The following RPE65 variants were observed in gnomAD, a reference collection of about 807,000 sequenced individuals.
RPE65 encodes retinoid isomerohydrolase.
In RPE65, 58 loss-of-function variants were observed where a neutral mutation model predicts 68.5. That is an observed-to-expected ratio of 0.85 (90% CI 0.69 to 1.05). The LOEUF (loss-of-function observed/expected upper bound fraction) is 1.05, where lower values mean the gene tolerates loss of function less well. RPE65 is among the 50% of genes least tolerant of loss of function. The pLI is 0.00. For synonymous variants in RPE65, 220 were observed against 222.2 expected, an observed-to-expected ratio of 0.99 and a Z score of 0.09; for missense variants, 643 against 629.9, an observed-to-expected ratio of 1.02 and a Z score of -0.22.
intron 5 of RPE65, among the ~76,000 whole-genome samples, chr1:68,442,233 T>A (rs1003811728): frequency 1.6e-4 from 25 of 152,322 alleles, no homozygotes; most frequent in African/African-American, 5.8e-4. Context: ...ATGAGGCAGT[T>A]TTCCTGAGAA....
chr1:68,440,395 G>A (rs1238675316), intron 6 of RPE65, among the ~76,000 whole-genome samples: 4 of 152,084 alleles, frequency 2.6e-5, no homozygotes, highest in Non-Finnish European at 5.9e-5. Context: ...TTTTTCTATA[G>A]TACTTCTATG....
intron 5 of RPE65, among the ~76,000 whole-genome samples, chr1:68,443,631 C>A (rs1645918784): frequency 6.6e-6 from 1 of 152,156 alleles, no homozygotes; most frequent in African/African-American, 2.4e-5. Flanking sequence ...CTTGCATTGC[C>A]AACTACTTCC....
chr1:68,448,826 C>G, intron 1 of RPE65, 120 bp from the exon 2 acceptor site: 2 of 293,704 alleles, frequency 6.8e-6, no homozygotes, highest in Non-Finnish European at 1.4e-5. Flanking sequence ...TCACTCCTGC[C>G]GGTCTAGTCT....
At chr1:68,439,531 C>T in intron 7 of RPE65, 30 bp downstream of exon 7, 2 of 1,608,076 alleles carry the variant, frequency 1.2e-6, no homozygotes, top group Non-Finnish European at 8.5e-7. Flanking sequence ...TTGAGTTTTC[C>T]TGAAGATTCA....
In RPE65 at chr1:68,444,521, T is replaced by C. The variant is rs1186657454; in HGVS notation, c.495+10A>G. On this transcript the variant is annotated intron_variant, in intron 5 of 13. Coordinates refer to ENST00000262340, the MANE Select transcript of RPE65 (RefSeq NM_000329.3). ...TAAATTCCTGAACATCACCTAGCACTGTGTCCCACCTGCTTAATTGTCTCC... is the reference window on the plus strand; with the variant it reads ...TAAATTCCTGAACATCACCTAGCACCGTGTCCCACCTGCTTAATTGTCTCC... 2.5e-6 allele frequency: 4 copies of C among 1,614,012 alleles called. No homozygotes were observed. The East Asian group carries it at 8.9e-5, about 36-fold the overall frequency.
chr1:68,447,564 C>T (rs1172581707), intron 2 of RPE65, among the ~76,000 whole-genome samples: 1 of 152,200 alleles, frequency 6.6e-6, no homozygotes, highest in Non-Finnish European at 1.5e-5. Context: ...AGGTTTGTCC[C>T]TAAAAACCCA....
chr1:68,433,285 G>T (rs1038070423), intron 10 of RPE65, among the ~76,000 whole-genome samples: 1 of 152,180 alleles, frequency 6.6e-6, no homozygotes, highest in Admixed American at 6.5e-5. Flanking sequence ...GCTGGTTGGG[G>T]CAAAAATGTC....
intron 10 of RPE65, among the ~76,000 whole-genome samples, chr1:68,435,527 C>A (rs929796582): frequency 2.6e-5 from 4 of 152,140 alleles, no homozygotes; most frequent in Non-Finnish European, 5.9e-5. Flanking sequence ...GGCCTTAAAG[C>A]CTTCTAAGAG....
chr1:68,442,628 T>C (rs1201446723), intron 5 of RPE65, among the ~76,000 whole-genome samples: 2 of 152,218 alleles, frequency 1.3e-5, no homozygotes, highest in Non-Finnish European at 2.9e-5. Context: ...ATTTTTAAAA[T>C]TACATTTTAC....
chr1:68,429,446 A>G lies in RPE65; in HGVS notation c.*330T>C, dbSNP rs2100804443. ...AATGTTAAAAATATAATTGGAGCAG[A>G]TAGGTACCTAAAATATGCTCTTATA... On this transcript the variant is annotated 3_prime_UTR_variant, in exon 14 of 14. Coordinates refer to ENST00000262340, the MANE Select transcript of RPE65 (RefSeq NM_000329.3). 3.2e-6 allele frequency: 1 copy of G among 316,248 alleles called. No individual in the cohort carries two copies. Among genetic ancestry groups the G allele is most frequent in the African/African-American group, 2.2e-5 (1 of 45,782 alleles). The allele number at this position is 316,248 out of a possible 1,614,324, so 19.6% of individuals were successfully genotyped here.
intron 10 of RPE65, among the ~76,000 whole-genome samples, chr1:68,435,591 G>T (rs1279804373): frequency 1.3e-5 from 2 of 152,054 alleles, no homozygotes; most frequent in Non-Finnish European, 2.9e-5. Context: ...TTTTGCCTAT[G>T]TTTCAACCAA....
intron 5 of RPE65, 108 bp downstream of exon 5, chr1:68,444,423 G>T: frequency 1.4e-6 from 2 of 1,396,172 alleles, no homozygotes; most frequent in Non-Finnish European, 2.0e-6. Context: ...CATTCTGTGT[G>T]TCCTCATCAA....
At chr1:68,443,938 TAAG>T (rs1260377557) in intron 5 of RPE65, among the ~76,000 whole-genome samples, 2 of 152,208 alleles carry the variant, frequency 1.3e-5, no homozygotes, top group African/African-American at 2.4e-5. Context: ...TTATTTCTAA[TAAG>T]AAGTATCTAT....
chr1:68,448,975 C>T (rs1181146140), intron 1 of RPE65, among the ~76,000 whole-genome samples: 1 of 152,082 alleles, frequency 6.6e-6, no homozygotes, highest in Non-Finnish European at 1.5e-5. Flanking sequence ...CATGACCTCT[C>T]TTTTAATGTC....
At chr1:68,442,963 A>G (rs1251237923) in intron 5 of RPE65, among the ~76,000 whole-genome samples, 1 of 152,130 alleles carries the variant, frequency 6.6e-6, no homozygotes, top group Non-Finnish European at 1.5e-5. Context: ...TATTTTTACC[A>G]GTACTGCATT....
At chr1:68,448,592 A>C (rs779095202) in intron 2 of RPE65, 32 bp downstream of exon 2, 1 of 1,598,934 alleles carries the variant, frequency 6.3e-7, no homozygotes, top group South Asian at 1.1e-5. Flanking sequence ...ACTGACATAA[A>C]AGAGGATGGC....
chr1:68,439,683 T>A, intron 6 of RPE65, 41 bp from the exon 7 acceptor site: 1 of 1,522,390 alleles, frequency 6.6e-7, no homozygotes, highest in Non-Finnish European at 9.1e-7. Context: ...AAGAGCCTCT[T>A]ATTTTTTTTT....
At chr1:68,433,150 A>G (rs974788945) in intron 10 of RPE65, among the ~76,000 whole-genome samples, 4 of 152,134 alleles carry the variant, frequency 2.6e-5, no homozygotes, top group African/African-American at 9.7e-5. Flanking sequence ...GCAGGTAAGA[A>G]CCTTGAGTTT....
At chr1:68,445,216 C>T (rs1285178632) in intron 3 of RPE65, among the ~76,000 whole-genome samples, 2 of 152,024 alleles carry the variant, frequency 1.3e-5, no homozygotes, top group East Asian at 3.9e-4. Context: ...CACCATGCAG[C>T]CCTGGGGGAA....
Sources: allele counts gnomAD v4.1 joint callset (sites outside exome capture counted in the v4.1 genomes callset), GRCh38; gene constraint gnomAD v4.1.1; transcripts MANE v1.5; gene names NCBI Gene and HGNC (gene_info 2026-07-23, HGNC 2026-07-21).